STAG1: variants seen among roughly 807,000 people sequenced by gnomAD.
STAG1 encodes the protein cohesin subunit SA-1.
STAG1 carries 26 observed loss-of-function variants against 170.9 expected under a neutral mutation model. The observed-to-expected ratio is 0.15, with a 90% CI of 0.11 to 0.21. STAG1 has a LOEUF of 0.21. Ranked by LOEUF, STAG1 falls within the 10% of genes least tolerant of loss-of-function variation. The pLI is 1.00. For synonymous variants in STAG1, 514 were observed against 497.7 expected, an observed-to-expected ratio of 1.03 and a Z score of -0.44; for missense variants, 964 against 1,509.5, an observed-to-expected ratio of 0.64 and a Z score of 5.99.
At chr3:136,449,862 AG>A (rs1303957413) in intron 14 of STAG1, among the ~76,000 whole-genome samples, 1 of 150,320 alleles carries the variant, frequency 6.7e-6, no homozygotes, top group Non-Finnish European at 1.5e-5. Context: ...ACTTTTTAGT[AG>A]TTATCTCATA....
intron 7 of STAG1, among the ~76,000 whole-genome samples, chr3:136,503,042 G>A (rs1933564088): frequency 6.6e-6 from 1 of 152,124 alleles, no homozygotes; most frequent in Non-Finnish European, 1.5e-5. Context: ...AAGGATTTCA[G>A]TTCTATCTTC....
chr3:136,379,247 A>G (rs1937801540), intron 22 of STAG1, among the ~76,000 whole-genome samples: 1 of 152,182 alleles, frequency 6.6e-6, no homozygotes, highest in African/African-American at 2.4e-5. Context: ...TAGTGTAAGG[A>G]GTGCTATGGT....
intron 1 of STAG1, chr3:136,736,856 G>T: frequency 6.3e-7 from 1 of 1,581,034 alleles, no homozygotes; most frequent in Non-Finnish European, 8.7e-7. Flanking sequence ...TTCACAGTGT[G>T]GTCAACGTAT....
chr3:136,556,489 T>C (rs188633586), intron 5 of STAG1, among the ~76,000 whole-genome samples: 329 of 152,242 alleles, frequency 2.2e-3, no homozygotes, highest in African/African-American at 7.4e-3. Context: ...AGTGTCAAGA[T>C]TGAGAAATGC....
chr3:136,494,736 T>C (rs1031951741), intron 9 of STAG1, among the ~76,000 whole-genome samples: 2 of 152,152 alleles, frequency 1.3e-5, no homozygotes, highest in Admixed American at 6.6e-5. Flanking sequence ...TCCATCATGA[T>C]AAAAACACCC....
chr3:136,590,492 C>CA (rs1242047576), intron 4 of STAG1, among the ~76,000 whole-genome samples: 42 of 126,128 alleles, frequency 3.3e-4, no homozygotes, highest in East Asian at 2.9e-3. Context: ...GACTCTGTCT[C>CA]AAAAAAAAAG....
intron 21 of STAG1, among the ~76,000 whole-genome samples, chr3:136,411,066 A>G (rs114233108): frequency 0.017 from 2,544 of 152,316 alleles, 76 homozygotes; most frequent in African/African-American, 0.058. Flanking sequence ...AGTACCTTGT[A>G]TGTAAGAGCA....
At chr3:136,456,881 C>T (rs1416896857) in intron 13 of STAG1, among the ~76,000 whole-genome samples, 1 of 152,136 alleles carries the variant, frequency 6.6e-6, no homozygotes, top group Non-Finnish European at 1.5e-5. Context: ...AGAAAGAAAA[C>T]TGCTATCCAA....
intron 24 of STAG1, among the ~76,000 whole-genome samples, chr3:136,367,578 T>C (rs1937124066): frequency 6.6e-6 from 1 of 152,146 alleles, no homozygotes; most frequent in Non-Finnish European, 1.5e-5. Flanking sequence ...CGCTGTCTTT[T>C]CTTATTTCAA....
At chr3:136,447,969 C>T (rs2088832741) in intron 14 of STAG1, among the ~76,000 whole-genome samples, 1 of 152,100 alleles carries the variant, frequency 6.6e-6, no homozygotes, top group African/African-American at 2.4e-5. Flanking sequence ...TAGGGAAATC[C>T]AGACTTATCA....
At chr3:136,686,314 TTTAA>T (rs1366717273) in intron 1 of STAG1, among the ~76,000 whole-genome samples, 2 of 152,240 alleles carry the variant, frequency 1.3e-5, no homozygotes, top group African/African-American at 2.4e-5. Flanking sequence ...GAATTTAGGC[TTTAA>T]TTGTCTCTCA....
intron 16 of STAG1, among the ~76,000 whole-genome samples, chr3:136,426,709 C>T (rs1017672703): frequency 2.6e-5 from 4 of 151,922 alleles, no homozygotes; most frequent in Admixed American, 6.6e-5. Flanking sequence ...GAGGCTGAGA[C>T]AGACAGATCA....
intron 7 of STAG1, among the ~76,000 whole-genome samples, chr3:136,507,006 C>CA (rs1933802100): frequency 6.6e-6 from 1 of 152,154 alleles, no homozygotes; most frequent in South Asian, 2.1e-4. Context: ...ACTTGCCAGT[C>CA]ACTCTTCCAA....
At chr3:136,492,497 A>G (rs1187723319) in intron 9 of STAG1, among the ~76,000 whole-genome samples, 1 of 152,252 alleles carries the variant, frequency 6.6e-6, no homozygotes, top group African/African-American at 2.4e-5. Flanking sequence ...CAAGATGGAC[A>G]GAATTTATGC....
chr3:136,422,250 T>C (rs2087980827), intron 19 of STAG1, among the ~76,000 whole-genome samples, 160 bp downstream of exon 19: 1 of 152,080 alleles, frequency 6.6e-6, no homozygotes, highest in African/African-American at 2.4e-5. Context: ...CCAAGGCTGA[T>C]CTTTATAGAA....
intron 9 of STAG1, among the ~76,000 whole-genome samples, chr3:136,485,354 G>A (rs1249259198): frequency 6.6e-6 from 1 of 152,078 alleles, no homozygotes; most frequent in Non-Finnish European, 1.5e-5. Context: ...CTACTCGAGA[G>A]GCTGAGGCAG....
chr3:136,743,240 C>A (rs1934765916), intron 1 of STAG1, among the ~76,000 whole-genome samples: 1 of 151,922 alleles, frequency 6.6e-6, no homozygotes, highest in African/African-American at 2.4e-5. Context: ...TAGTGGAGGG[C>A]ACCTGTAATC....
chr3:136,376,814 G>C (rs966742421), intron 23 of STAG1, among the ~76,000 whole-genome samples: 2 of 151,728 alleles, frequency 1.3e-5, no homozygotes, highest in African/African-American at 4.8e-5. Flanking sequence ...TTTTTTGAGA[G>C]AGTTTTGCTC....
intron 7 of STAG1, chr3:136,518,494 T>G: frequency 4.6e-6 from 3 of 658,136 alleles, no homozygotes; most frequent in East Asian, 2.8e-5. Context: ...AGGGCAAAGA[T>G]GAGAACAAAA....
Sources: allele counts gnomAD v4.1 joint callset (sites outside exome capture counted in the v4.1 genomes callset), GRCh38; gene constraint gnomAD v4.1.1; transcripts MANE v1.5; gene names NCBI Gene and HGNC (gene_info 2026-07-23, HGNC 2026-07-21).